The following RIT1 variants were observed in gnomAD, a reference collection of about 807,000 sequenced individuals.
RIT1 encodes the protein GTP-binding protein Rit1.
In RIT1, 6 loss-of-function variants were observed where a neutral mutation model predicts 25.6. The observed-to-expected ratio is 0.23, with a 90% CI of 0.13 to 0.46. The LOEUF is 0.46. Among genes scored for constraint, RIT1 ranks in the 20% least tolerant of loss-of-function variants. The probability of loss-of-function intolerance (pLI) is 0.99; values close to 1 mark genes in which losing one functional copy is unlikely to be tolerated. For missense variants in RIT1, 219 were observed against 284.4 expected (o/e 0.77, Z 1.65); for synonymous variants, 81 against 94.1 (o/e 0.86, Z 0.80).
chr1:155,899,183 C>T lies in RIT1; in HGVS notation c.*1205G>A, dbSNP rs756362099. On this transcript the variant is annotated 3_prime_UTR_variant, in exon 6 of 6. Transcript: ENST00000368323. The stretch of plus-strand genomic sequence containing the variant: ...CAGTTCCTAAACTATGCACAGGGAG[C>T]AAAGTGGTATTCCCTTAGGATAAAC... 11 of 208,132 alleles carry T rather than the reference C, an allele frequency of 5.3e-5. No individual in the cohort carries two copies. Among genetic ancestry groups the T allele is most frequent in the Non-Finnish European group, 1.1e-4 (11 of 101,906 alleles). The allele number at this position is 208,132 out of a possible 1,614,324, so 12.9% of individuals were successfully genotyped here. A position where few individuals can be genotyped will look rare whatever the true frequency, so the allele number is the denominator to read the frequency against.
chr1:155,905,808 A>AC (rs1673425274), intron 3 of RIT1, among the ~76,000 whole-genome samples: 1 of 152,060 alleles, frequency 6.6e-6, no homozygotes, highest in African/African-American at 2.4e-5. Flanking sequence ...ACTACAAAAA[A>AC]GGAAAAAAAT....
chr1:155,907,707 C>CACATAATAGAAACTCAGAAG (rs1176389580), intron 3 of RIT1, among the ~76,000 whole-genome samples: 1 of 152,208 alleles, frequency 6.6e-6, no homozygotes, highest in Non-Finnish European at 1.5e-5. Flanking sequence ...CAGTGCTTGG[C>CACATAATAGAAACTCAGAAG]ACATAATAGA....
intron 5 of RIT1, among the ~76,000 whole-genome samples, chr1:155,901,355 G>A (rs1673308183): frequency 6.6e-6 from 1 of 151,964 alleles, no homozygotes; most frequent in African/African-American, 2.4e-5. Flanking sequence ...TAAAAATTTA[G>A]CTGGGGCCAG....
At chr1:155,908,743 A>G (rs1166105711) in intron 3 of RIT1, among the ~76,000 whole-genome samples, 1 of 151,338 alleles carries the variant, frequency 6.6e-6, no homozygotes, top group Non-Finnish European at 1.5e-5. Context: ...TGGTATTTTT[A>G]GTAGAGATGG....
chr1:155,909,132 T>G (rs1673522206), intron 3 of RIT1, among the ~76,000 whole-genome samples: 1 of 151,690 alleles, frequency 6.6e-6, no homozygotes, highest in Non-Finnish European at 1.5e-5. Flanking sequence ...TCCCAGCACT[T>G]TGGGAGTCCG....
At chr1:155,903,797 C>T (rs548215994) in intron 5 of RIT1, among the ~76,000 whole-genome samples, 65 of 152,298 alleles carry the variant, frequency 4.3e-4, no homozygotes, top group African/African-American at 1.5e-3. Context: ...TCACTTGAGT[C>T]CAGGTGTTCA....
intron 3 of RIT1, among the ~76,000 whole-genome samples, chr1:155,908,725 G>A (rs1016767086): frequency 6.6e-6 from 1 of 151,396 alleles, no homozygotes; most frequent in Non-Finnish European, 1.5e-5. Flanking sequence ...ACCACGCCCG[G>A]CTAGTTTTGG....
chr1:155,902,417 T>G (rs1407347882), intron 5 of RIT1, among the ~76,000 whole-genome samples: 13 of 150,588 alleles, frequency 8.6e-5, no homozygotes, highest in African/African-American at 3.2e-4. Context: ...GCGCCTGTAA[T>G]CCCAGCTACT....
chr1:155,910,257 G>C (rs1285877505), intron 3 of RIT1, 193 bp downstream of exon 3: 1 of 583,160 alleles, frequency 1.7e-6, no homozygotes, highest in Non-Finnish European at 3.0e-6. Context: ...AAAGACTAAA[G>C]ATGGCTTATG....
At position 155,898,518 on chromosome 1, in the gene RIT1, A is replaced by AAAAAATATATATATAT. The variant is rs1557956996; in HGVS notation, c.*1869_*1870insATATATATATATTTTT. On this transcript the variant is annotated 3_prime_UTR_variant, in exon 6 of 6. Transcript: ENST00000368323. Reference sequence around the variant, plus strand: ...AAAAAAAAAAAAAAAAAAAAAAAAAAATATATATATATATATATATATATA... The same window carrying AAAAAATATATATATAT: ...AAAAAAAAAAAAAAAAAAAAAAAAAAAAAAATATATATATATATATATATATATATATATATATATA... 2.5e-5 allele frequency: 1 copy of AAAAAATATATATATAT among 40,762 alleles called. No homozygotes were observed. Among genetic ancestry groups the AAAAAATATATATATAT allele is most frequent in the African/African-American group, 7.6e-5 (1 of 13,120 alleles). The allele number at this position is 40,762 out of a possible 1,614,324, so 2.5% of individuals were successfully genotyped here.
intron 1 of RIT1, 125 bp from the exon 2 acceptor site, chr1:155,910,929 C>A: frequency 5.2e-6 from 8 of 1,548,980 alleles, no homozygotes; most frequent in Non-Finnish European, 7.0e-6. Flanking sequence ...GTCCCTCTTG[C>A]TCACCACTGC....
chr1:155,908,700 T>C (rs1306986063), intron 3 of RIT1, among the ~76,000 whole-genome samples: 1 of 151,124 alleles, frequency 6.6e-6, no homozygotes, highest in Non-Finnish European at 1.5e-5. Flanking sequence ...GTAGCTGGGA[T>C]TACAGGCACC....
At chr1:155,904,290 T>A (rs1390646913) in intron 5 of RIT1, 21 bp downstream of exon 5, 5 of 1,524,500 alleles carry the variant, frequency 3.3e-6, no homozygotes, top group Non-Finnish European at 4.5e-6. Context: ...TTATAGACAG[T>A]ATTTTCTTCT....
At chr1:155,901,964 A>G (rs1673320673) in intron 5 of RIT1, among the ~76,000 whole-genome samples, 1 of 152,226 alleles carries the variant, frequency 6.6e-6, no homozygotes, top group South Asian at 2.1e-4. Context: ...AAAATAAGAA[A>G]GAAACACTAA....
rs34831194 is a variant in RIT1, at chr1:155,904,365, G to A, written c.375C>T (p.Asp125=). 2,103 of 1,614,028 alleles carry A rather than the reference G, an allele frequency of 1.3e-3. 25 individuals carry two copies. In the African/African-American group the frequency reaches 0.025, roughly 19 times the overall value. ...KQLIYRVRRT[D]DTPVVLVGNK... is the part of the protein sequence containing the mutation. ...TTCCCACAAGAACCACAGGTGTATCGTCAGTACGTCGGACTCGATAAATAA... is the reference window on the plus strand; with the variant it reads ...TTCCCACAAGAACCACAGGTGTATCATCAGTACGTCGGACTCGATAAATAA... Residue 125 remains aspartate, a synonymous_variant, in exon 5 of 6, where the codon GAC becomes GAT. Coordinates refer to ENST00000368323, the MANE Select transcript of RIT1 (RefSeq NM_006912.6).
intron 3 of RIT1, among the ~76,000 whole-genome samples, chr1:155,905,352 C>G (rs893963718): frequency 6.6e-6 from 1 of 151,910 alleles, no homozygotes. Context: ...GTGCTACCAC[C>G]ATGTCTGGCT....
chr1:155,901,231 G>A (rs1673305763), intron 5 of RIT1, among the ~76,000 whole-genome samples: 1 of 152,178 alleles, frequency 6.6e-6, no homozygotes, highest in Non-Finnish European at 1.5e-5. Flanking sequence ...TGGGCTTGGT[G>A]GCTCACACCT....
intron 3 of RIT1, among the ~76,000 whole-genome samples, chr1:155,908,562 ATTT>A (rs397745289): frequency 4.3e-5 from 6 of 139,946 alleles, no homozygotes; most frequent in Admixed American, 1.4e-4. Flanking sequence ...TCTCTGAACA[ATTT>A]TTTTTTTTTT....
intron 5 of RIT1, among the ~76,000 whole-genome samples, chr1:155,903,452 C>CAAAAAAA (rs1192641376): frequency 5.6e-5 from 3 of 53,716 alleles, no homozygotes; most frequent in East Asian, 4.9e-4. Context: ...GACTCTGTCT[C>CAAAAAAA]AAAAAAAAAA....
Sources: gnomAD v4.1 joint callset for allele counts (sites outside exome capture counted in the v4.1 genomes callset) on GRCh38, gnomAD v4.1.1 for gene constraint, MANE v1.5 for transcripts, NCBI Gene and HGNC (gene_info 2026-07-23, HGNC 2026-07-21) for gene names.